Variants in VPS50 observed in about 807,000 individuals in gnomAD.
VPS50 encodes the protein VPS50 subunit of EARP/GARPII complex.
A neutral mutation model predicts 139.7 loss-of-function variants in VPS50; 70 were observed. That is an observed-to-expected ratio of 0.50 (90% CI 0.41 to 0.61). VPS50 has a LOEUF of 0.61. Among genes scored for constraint, VPS50 ranks in the 20% least tolerant of loss-of-function variants. The probability of loss-of-function intolerance (pLI) is 0.00; values close to 1 mark genes in which losing one functional copy is unlikely to be tolerated. For missense variants in VPS50, 921 were observed against 1,133.7 expected (o/e 0.81, Z 2.69); for synonymous variants, 365 against 376.7 (o/e 0.97, Z 0.36).
chr7:93,243,864 T>C (rs908781248), intron 2 of VPS50, among the ~76,000 whole-genome samples: 1 of 151,936 alleles, frequency 6.6e-6, no homozygotes. Flanking sequence ...TTTATTAATA[T>C]ACACTTTCCA....
At chr7:93,260,403 C>G (rs112784533) in intron 9 of VPS50, among the ~76,000 whole-genome samples, 1,575 of 152,288 alleles carry the variant, frequency 0.01, 25 homozygotes, top group African/African-American at 0.034. Flanking sequence ...TCCCAGATTG[C>G]ATCCCCTTTG....
At chr7:93,307,029 A>G (rs1299930269) in intron 18 of VPS50, among the ~76,000 whole-genome samples, 1 of 151,898 alleles carries the variant, frequency 6.6e-6, no homozygotes, top group African/African-American at 2.4e-5. Context: ...TTGGAATAAT[A>G]TATCTCTCTA....
At chr7:93,332,031 A>G (rs527931562) in intron 21 of VPS50, among the ~76,000 whole-genome samples, 1 of 152,252 alleles carries the variant, frequency 6.6e-6, no homozygotes, top group African/African-American at 2.4e-5. Context: ...CTTCTGTGCA[A>G]CCACTAGAAT....
At chr7:93,240,404 A>G (rs1276197650) in intron 2 of VPS50, among the ~76,000 whole-genome samples, 1 of 152,198 alleles carries the variant, frequency 6.6e-6, no homozygotes, top group Non-Finnish European at 1.5e-5. Context: ...AAAAGCATCT[A>G]AACCATAGTA....
intron 25 of VPS50, among the ~76,000 whole-genome samples, chr7:93,350,955 T>C (rs1798539293): frequency 6.6e-6 from 1 of 152,200 alleles, no homozygotes; most frequent in Admixed American, 6.5e-5. Context: ...ACAATCATTC[T>C]TACCTGCTTA....
At chr7:93,316,160 C>T (rs1314236554) in intron 20 of VPS50, among the ~76,000 whole-genome samples, 2 of 152,066 alleles carry the variant, frequency 1.3e-5, no homozygotes, top group African/African-American at 4.8e-5. Context: ...AGAACATGTG[C>T]AAGACATGGT....
intron 12 of VPS50, among the ~76,000 whole-genome samples, chr7:93,283,770 G>A (rs1248249949): frequency 6.6e-6 from 1 of 152,208 alleles, no homozygotes; most frequent in African/African-American, 2.4e-5. Context: ...AACAGGAACA[G>A]TGTGTGTCCA....
In VPS50 at chr7:93,311,232, T is replaced by A; in HGVS notation, c.1815T>A (p.Pro605=). Reference sequence around the variant, plus strand: ...ACAGTCTAAATAAAGTGAATGCACCTATCTTAACAAATACAACATTGAACG... The same window carrying A: ...ACAGTCTAAATAAAGTGAATGCACCAATCTTAACAAATACAACATTGAACG... The part of the protein sequence containing the change: ...SDYSLNKVNA[P]ILTNTTLNVI... Residue 605 remains proline (P), a synonymous_variant, in exon 20 of 28, where the codon CCT becomes CCA. Transcript: ENST00000305866. 1 of 1,409,914 alleles carries A rather than the reference T, an allele frequency of 7.1e-7. No individual in the cohort carries two copies. Among genetic ancestry groups the A allele is most frequent in the Non-Finnish European group, 1.0e-6 (1 of 993,922 alleles). 87.3% of individuals were successfully genotyped at this position (1,409,914 alleles called of 1,614,324 possible). A position where few individuals can be genotyped will look rare whatever the true frequency, so the allele number is the denominator to read the frequency against.
chr7:93,337,407 C>T (rs1051707318), intron 22 of VPS50, among the ~76,000 whole-genome samples: 7 of 152,190 alleles, frequency 4.6e-5, no homozygotes, highest in Non-Finnish European at 1.0e-4. Flanking sequence ...TTCTCTCAGA[C>T]TATAGATATA....
At chr7:93,269,015 A>T (rs1795926732) in intron 9 of VPS50, among the ~76,000 whole-genome samples, 1 of 152,116 alleles carries the variant, frequency 6.6e-6, no homozygotes, top group South Asian at 2.1e-4. Context: ...TGACGCTGAG[A>T]TTTTCAGCTT....
chr7:93,250,020 A>G (rs1159354701), intron 2 of VPS50, among the ~76,000 whole-genome samples: 63 of 151,034 alleles, frequency 4.2e-4, no homozygotes, highest in Non-Finnish European at 1.8e-4. Context: ...TGGATTTCTT[A>G]CTGCAATCAT....
intron 22 of VPS50, 27 bp from the exon 23 acceptor site, chr7:93,341,400 C>T: frequency 2.0e-6 from 3 of 1,533,042 alleles, no homozygotes; most frequent in African/African-American, 1.4e-5. Flanking sequence ...TTTGTTATTC[C>T]AGGTTGTATA....
Position 93,272,685 on chromosome 7 carries a change from C to T in VPS50, c.753C>T (p.Asn251=). 2 of 1,578,006 alleles carry T rather than the reference C, an allele frequency of 1.3e-6. No individual in the cohort carries two copies. Among genetic ancestry groups the T allele is most frequent in the Non-Finnish European group, 1.7e-6 (2 of 1,156,480 alleles). Residue 251 remains asparagine (N), a synonymous_variant, in exon 11 of 28, where the codon AAC becomes AAT. Coordinates refer to ENST00000305866, the MANE Select transcript of VPS50 (RefSeq NM_017667.4). ...LSKICKNFDI[N]HYTKVQQAYR... Reference sequence around the variant, plus strand: ...AAATCTGCAAGAATTTTGACATTAACCATTATACCAAGGTTCAACAAGCTT... The same window carrying T: ...AAATCTGCAAGAATTTTGACATTAATCATTATACCAAGGTTCAACAAGCTT...
Position 93,341,872 on chromosome 7 carries a change from A to G in VPS50, c.2207+297A>G, listed in dbSNP as rs116339055. On this transcript the variant is annotated intron_variant, in intron 23 of 27. Coordinates refer to ENST00000305866, the MANE Select transcript of VPS50 (RefSeq NM_017667.4). ...ATTATACTATGCTTCATATTTTCCTATTGATGACTTATGATCTCAGGAGAA... is the reference window on the plus strand; with the variant it reads ...ATTATACTATGCTTCATATTTTCCTGTTGATGACTTATGATCTCAGGAGAA... Among the ~76,000 whole-genome samples the G allele has an allele frequency of 2.3e-3, 354 of 152,306 alleles. 2 individuals are homozygous for G. The highest frequency in any genetic ancestry group is 8.0e-3 in the African/African-American group (333 of 41,564).
chr7:93,321,517 A>G (rs925412651), intron 20 of VPS50, among the ~76,000 whole-genome samples: 2 of 152,186 alleles, frequency 1.3e-5, no homozygotes, highest in African/African-American at 4.8e-5. Context: ...TTAAGGTGCA[A>G]CAGCCGGGAC....
chr7:93,310,165 G>C (rs1797226748), intron 19 of VPS50, among the ~76,000 whole-genome samples: 1 of 152,014 alleles, frequency 6.6e-6, no homozygotes, highest in Non-Finnish European at 1.5e-5. Flanking sequence ...AAGTAAGATA[G>C]TGTCTGCCAG....
At chr7:93,256,667 A>G in intron 5 of VPS50, 105 bp downstream of exon 5, 1 of 633,696 alleles carries the variant, frequency 1.6e-6, no homozygotes, top group Non-Finnish European at 2.7e-6. Flanking sequence ...ATTCTGTAGC[A>G]GCATATTGAC....
chr7:93,301,077 A>C (rs941890183), intron 16 of VPS50, among the ~76,000 whole-genome samples: 3 of 152,106 alleles, frequency 2.0e-5, no homozygotes, highest in Admixed American at 6.6e-5. Flanking sequence ...TGAGTGGATC[A>C]CGAGGTCAAG....
intron 25 of VPS50, among the ~76,000 whole-genome samples, chr7:93,352,944 A>C (rs536566272): frequency 6.6e-6 from 1 of 152,174 alleles, no homozygotes; most frequent in Non-Finnish European, 1.5e-5. Flanking sequence ...CAGTATTTCA[A>C]ATAATCCAGA....
Sources: gnomAD v4.1 joint callset for allele counts (sites outside exome capture counted in the v4.1 genomes callset) on GRCh38, gnomAD v4.1.1 for gene constraint, MANE v1.5 for transcripts, NCBI Gene and HGNC (gene_info 2026-07-23, HGNC 2026-07-21) for gene names.